ITGB3: variants seen among roughly 807,000 people sequenced by gnomAD.
The protein encoded by ITGB3 is integrin subunit beta 3.
Under a neutral mutation model 85.8 loss-of-function variants are expected in ITGB3, and 48 were observed. That is an observed-to-expected ratio of 0.56 (90% CI 0.44 to 0.71). The LOEUF (loss-of-function observed/expected upper bound fraction) is 0.71, where lower values mean the gene tolerates loss of function less well. Ranked by LOEUF, ITGB3 falls within the 30% of genes least tolerant of loss-of-function variation. The pLI, the probability that ITGB3 is intolerant of heterozygous loss-of-function variation, is 0.00. For synonymous variants in ITGB3, 363 were observed against 395.6 expected (o/e 0.92, Z 0.98); for missense variants, 861 against 1,019.1 (o/e 0.84, Z 2.11).
chr17:47,264,312 G>A (rs1031765345), intron 1 of ITGB3, among the ~76,000 whole-genome samples: 1 of 152,080 alleles, frequency 6.6e-6, no homozygotes, highest in Non-Finnish European at 1.5e-5. Flanking sequence ...GCTCTTTCAG[G>A]TTCACATTTG....
At chr17:47,300,718 A>G (rs2065164418) in intron 12 of ITGB3, 140 bp downstream of exon 12, 16 of 710,348 alleles carry the variant, frequency 2.3e-5, no homozygotes, top group South Asian at 2.2e-4. Flanking sequence ...TTGAGGAACA[A>G]TGGACACTTG....
At chr17:47,264,683 C>A (rs1233015924) in intron 1 of ITGB3, among the ~76,000 whole-genome samples, 7 of 152,190 alleles carry the variant, frequency 4.6e-5, no homozygotes, top group Non-Finnish European at 1.0e-4. Context: ...TCCTTTCTCT[C>A]CACCTGCTAT....
At chr17:47,310,041 C>T (rs1358726072) in intron 14 of ITGB3, 98 bp from the exon 15 acceptor site, 11 of 980,040 alleles carry the variant, frequency 1.1e-5, no homozygotes, top group South Asian at 5.3e-5. Flanking sequence ...TTCCAGAGAA[C>T]GGTGCCTTGG....
At chr17:47,278,302 C>T (rs1056691109) in intron 2 of ITGB3, among the ~76,000 whole-genome samples, 1 of 152,134 alleles carries the variant, frequency 6.6e-6, no homozygotes, top group African/African-American at 2.4e-5. Context: ...AAAAAAGAGT[C>T]ACCTGCCAGG....
intron 1 of ITGB3, among the ~76,000 whole-genome samples, chr17:47,262,519 CT>C (rs2065012056): frequency 6.6e-6 from 1 of 152,194 alleles, no homozygotes; most frequent in African/African-American, 2.4e-5. Context: ...ATGAGTCCCC[CT>C]GTTGATGTTT....
intron 4 of ITGB3, 21 bp from the exon 5 acceptor site, chr17:47,286,239 T>C: frequency 6.2e-7 from 1 of 1,614,064 alleles, no homozygotes; most frequent in Non-Finnish European, 8.5e-7. Context: ...TCTGCTTAAA[T>C]TATCTCCCAT....
chr17:47,310,428 G>A lies in ITGB3; in HGVS notation c.*224G>A. On this transcript the variant is annotated 3_prime_UTR_variant, in exon 15 of 15. Transcript: ENST00000559488. ...GTGTGGGAGTGTGTAATTTAAAATTGTGATGTGTCCTGATAAGCTGAGCTC... is the reference window on the plus strand; with the variant it reads ...GTGTGGGAGTGTGTAATTTAAAATTATGATGTGTCCTGATAAGCTGAGCTC... 3 of 631,196 alleles carry A rather than the reference G, an allele frequency of 4.8e-6. No individual in the cohort carries two copies. The highest frequency in any genetic ancestry group is 3.4e-5 in the South Asian group (2 of 58,186). The allele number at this position is 631,196 out of a possible 1,614,324, so 39.1% of individuals were successfully genotyped here.
At chr17:47,288,017 G>A (rs994091459) in intron 6 of ITGB3, among the ~76,000 whole-genome samples, 7 of 125,016 alleles carry the variant, frequency 5.6e-5, no homozygotes, top group Non-Finnish European at 1.2e-4. Context: ...CACCACCTCA[G>A]TCTCCTGAAT....
In ITGB3 at chr17:47,310,215, T is replaced by G. The variant is rs2065208331; in HGVS notation, c.*11T>G. The G allele has an allele frequency of 6.2e-7, 1 of 1,610,524 alleles. No individual in the cohort carries two copies. Among genetic ancestry groups the G allele is most frequent in the African/African-American group, 1.3e-5 (1 of 74,810 alleles). ...TACCGGGGCACTTAATGATAAGCAG[T>G]CATCCTCAGATCATTATCAGCCTGT... On this transcript the variant is annotated 3_prime_UTR_variant, in exon 15 of 15. Transcript: ENST00000559488.
intron 1 of ITGB3, among the ~76,000 whole-genome samples, chr17:47,267,344 G>C (rs1651098250): frequency 6.6e-6 from 1 of 152,150 alleles, no homozygotes; most frequent in Admixed American, 6.5e-5. Flanking sequence ...AATGAGTCTG[G>C]GCCCCAGAGA....
At position 47,253,830 on chromosome 17, in the gene ITGB3, G is replaced by A. The variant is rs1018464114; in HGVS notation, c.-32G>A. ...GCCGCGGGCGGCGGCGCCCACTGTG[G>A]GGCGGGCGGAGCGCCGCGGGAGGCG... is the stretch of plus-strand genomic sequence containing the variant. On this transcript the variant is annotated 5_prime_UTR_variant, in exon 1 of 15. Coordinates refer to ENST00000559488, the MANE Select transcript of ITGB3 (RefSeq NM_000212.3). 5.1e-6 allele frequency: 6 copies of A among 1,175,556 alleles called. No individual in the cohort carries two copies. The African/African-American group carries it at 8.0e-5, about 16-fold the overall frequency. The allele number at this position is 1,175,556 out of a possible 1,614,324, so 72.8% of individuals were successfully genotyped here.
intron 1 of ITGB3, among the ~76,000 whole-genome samples, chr17:47,256,802 T>C (rs1366179880): frequency 6.6e-6 from 1 of 152,244 alleles, no homozygotes; most frequent in Non-Finnish European, 1.5e-5. Flanking sequence ...TATTCTGACC[T>C]AATTAGGTCT....
chr17:47,283,262 T>G, intron 2 of ITGB3, 92 bp from the exon 3 acceptor site: 1 of 1,201,400 alleles, frequency 8.3e-7, no homozygotes. Flanking sequence ...CGGGGTAAAC[T>G]CTTAGCTATT....
intron 2 of ITGB3, among the ~76,000 whole-genome samples, chr17:47,275,600 G>A (rs1421137312): frequency 6.6e-6 from 1 of 152,184 alleles, no homozygotes; most frequent in African/African-American, 2.4e-5. Flanking sequence ...CTCTCTGTCT[G>A]CTTCTTTTTC....
intron 13 of ITGB3, 33 bp from the exon 14 acceptor site, chr17:47,307,438 A>G (rs1473138414): frequency 1.2e-6 from 2 of 1,612,902 alleles, no homozygotes; most frequent in Non-Finnish European, 1.7e-6. Context: ...TGCTTCATTC[A>G]CAACCGCCCT....
chr17:47,269,820 A>G (rs559280856), intron 1 of ITGB3, among the ~76,000 whole-genome samples: 2 of 152,238 alleles, frequency 1.3e-5, no homozygotes, highest in Admixed American at 6.5e-5. Context: ...ACTCCACTCT[A>G]CCATTGCCAA....
chr17:47,266,817 A>T (rs1401805797), intron 1 of ITGB3, among the ~76,000 whole-genome samples: 1 of 152,140 alleles, frequency 6.6e-6, no homozygotes, highest in African/African-American at 2.4e-5. Context: ...ACTGGGCTCA[A>T]GCAATCCTCC....
chr17:47,287,911 C>CTTTTTTT lies in ITGB3; in HGVS notation c.939+706_939+712dup, dbSNP rs60463106. 8.5e-4 allele frequency among the ~76,000 whole-genome samples: 47 copies of CTTTTTTT among 55,396 alleles called. 1 individual carries two copies. The highest frequency in any genetic ancestry group is 1.1e-3 in the African/African-American group (14 of 12,400). 36.3% of individuals were successfully genotyped at this position (55,396 alleles called of 152,430 possible). A position where few individuals can be genotyped will look rare whatever the true frequency, so the allele number is the denominator to read the frequency against. ...AGTGACAGAGCAAGAACCACCCCTG[C>CTTTTTTT]TTTTTTTTTTTTTTTTTTTTTTTTT... On this transcript the variant is annotated intron_variant, in intron 6 of 14. Coordinates refer to ENST00000559488, the MANE Select transcript of ITGB3 (RefSeq NM_000212.3).
intron 2 of ITGB3, among the ~76,000 whole-genome samples, chr17:47,281,025 TG>T (rs1223298808): frequency 6.6e-6 from 1 of 152,238 alleles, no homozygotes; most frequent in Admixed American, 6.5e-5. Context: ...ATTCCTTACC[TG>T]TAAGATTGGG....
Sources: allele counts gnomAD v4.1 joint callset (sites outside exome capture counted in the v4.1 genomes callset), GRCh38; gene constraint gnomAD v4.1.1; transcripts MANE v1.5; gene names NCBI Gene and HGNC (gene_info 2026-07-23, HGNC 2026-07-21).